The following ATP2B1 variants were observed in gnomAD, a reference collection of about 807,000 sequenced individuals.
The protein encoded by ATP2B1 is ATPase plasma membrane Ca2+ transporting 1, also known as plasma membrane calcium-transporting ATPase 1.
ATP2B1 carries 14 observed loss-of-function variants against 124.2 expected under a neutral mutation model. That is an observed-to-expected ratio of 0.11 (90% CI 0.07 to 0.18). ATP2B1 has a LOEUF of 0.18. Ranked by LOEUF, ATP2B1 falls within the 10% of genes least tolerant of loss-of-function variation. The pLI is 1.00. For missense variants in ATP2B1, 763 were observed against 1,466.1 expected (o/e 0.52, Z 7.83); for synonymous variants, 449 against 492.4 (o/e 0.91, Z 1.17).
chr12:89,623,387 G>A (rs1417663371), intron 9 of ATP2B1, among the ~76,000 whole-genome samples: 12 of 147,124 alleles, frequency 8.2e-5, no homozygotes, highest in South Asian at 6.4e-4. Context: ...CACCTTTTCC[G>A]TAAGATAGAA....
At chr12:89,643,453 A>G (rs1464084139) in intron 2 of ATP2B1, among the ~76,000 whole-genome samples, 3 of 152,120 alleles carry the variant, frequency 2.0e-5, no homozygotes, top group African/African-American at 7.2e-5. Context: ...ATATAACAGG[A>G]AACTTAGGAT....
intron 7 of ATP2B1, among the ~76,000 whole-genome samples, chr12:89,627,227 C>T (rs554836162): frequency 9.2e-5 from 14 of 152,004 alleles, no homozygotes; most frequent in African/African-American, 2.9e-4. Context: ...TCCTGTGATG[C>T]GGAATAGTCA....
chr12:89,627,618 C>A, intron 7 of ATP2B1, 60 bp downstream of exon 7: 5 of 1,548,438 alleles, frequency 3.2e-6, no homozygotes, highest in Non-Finnish European at 4.5e-6. Context: ...ATATGGTATA[C>A]AGTAGATTTT....
intron 2 of ATP2B1, among the ~76,000 whole-genome samples, chr12:89,646,049 G>A (rs1291109327): frequency 1.3e-5 from 2 of 152,130 alleles, no homozygotes; most frequent in South Asian, 2.1e-4. Flanking sequence ...ACGTACTTAA[G>A]GACTGGATGT....
chr12:89,596,907 T>A (rs1010232993), intron 20 of ATP2B1, among the ~76,000 whole-genome samples: 6 of 152,132 alleles, frequency 3.9e-5, no homozygotes, highest in African/African-American at 1.4e-4. Flanking sequence ...CCTCTTTTAG[T>A]ACCAGATTAT....
intron 2 of ATP2B1, among the ~76,000 whole-genome samples, chr12:89,653,443 C>A (rs917838647): frequency 2.0e-5 from 3 of 151,114 alleles, no homozygotes; most frequent in Admixed American, 2.0e-4. Flanking sequence ...ACTACAGGCG[C>A]CCGCCACCGC....
Position 89,616,971 on chromosome 12 carries a change from A to G in ATP2B1, c.1898T>C (p.Val633Ala), listed in dbSNP as rs1370165891. The G allele has an allele frequency of 6.2e-7, 1 of 1,614,128 alleles. No homozygotes were observed. Among genetic ancestry groups the G allele is most frequent in the Admixed American group, 1.7e-5 (1 of 59,998 alleles). ...TGCCATCGGTTCAATCACAGTTTTT[A>G]CAATATCATCACGGTCCCTTGGTCT... ...VFRPRDRDDI[V>A]KTVIEPMASE... Residue 633 changes from valine to alanine, a missense_variant, in exon 12 of 21, where the codon GTA becomes GCA. Physicochemically the swap from Val to Ala is moderately conservative, Grantham distance 64. Transcript: ENST00000428670.
intron 15 of ATP2B1, among the ~76,000 whole-genome samples, chr12:89,608,144 T>TAC (rs1043683769): frequency 3.3e-5 from 5 of 152,122 alleles, no homozygotes; most frequent in African/African-American, 9.7e-5. Flanking sequence ...ACCAAGCACT[T>TAC]ACAGTTTCTC....
At chr12:89,621,463 C>A (rs1344163764) in intron 10 of ATP2B1, 86 bp downstream of exon 10, 1 of 1,092,776 alleles carries the variant, frequency 9.2e-7, no homozygotes, top group African/African-American at 1.6e-5. Flanking sequence ...AGTTTACATA[C>A]AGTAATGGTG....
rs890492384 is a variant in ATP2B1 at position 89,588,125 on chromosome 12, G to C, written c.*2859C>G. On this transcript the variant is annotated 3_prime_UTR_variant, in exon 21 of 21. Coordinates refer to ENST00000428670, the MANE Select transcript of ATP2B1 (RefSeq NM_001366521.1). ...TTTACAAATAGACAAATAATAAAAG[G>C]CTCAGTGGCTAAAATAGATGGTAAG... 1 of 152,440 alleles carries C rather than the reference G, an allele frequency of 6.6e-6. No homozygotes were observed. Among genetic ancestry groups the C allele is most frequent in the African/African-American group, 2.4e-5 (1 of 41,398 alleles). 9.4% of individuals were successfully genotyped at this position (152,440 alleles called of 1,614,324 possible).
intron 5 of ATP2B1, among the ~76,000 whole-genome samples, chr12:89,631,136 A>C (rs2136164516): frequency 6.6e-6 from 1 of 152,256 alleles, no homozygotes; most frequent in East Asian, 1.9e-4. Flanking sequence ...TTTTAACTCT[A>C]ATCAGTCATA....
intron 2 of ATP2B1, among the ~76,000 whole-genome samples, chr12:89,651,081 G>A (rs1043705687): frequency 1.3e-5 from 2 of 152,190 alleles, no homozygotes; most frequent in African/African-American, 4.8e-5. Context: ...GAAATTTACA[G>A]TTCCAATTTC....
intron 14 of ATP2B1, 95 bp downstream of exon 14, chr12:89,610,326 T>C: frequency 9.6e-7 from 1 of 1,043,116 alleles, no homozygotes; most frequent in East Asian, 2.4e-5. Flanking sequence ...ATGATATCCA[T>C]GACTCAATCT....
In ATP2B1 at chr12:89,635,274, C is replaced by T. The variant is rs1374986463; in HGVS notation, c.407-23G>A. On this transcript the variant is annotated intron_variant, in intron 3 of 20. Coordinates refer to ENST00000428670, the MANE Select transcript of ATP2B1 (RefSeq NM_001366521.1). Reference sequence around the variant, plus strand: ...AAACTATTTGGAAAGAAAGAAAATGCTTATCAAAAAGATTCTGAATTGATG... The same window carrying T: ...AAACTATTTGGAAAGAAAGAAAATGTTTATCAAAAAGATTCTGAATTGATG... 9.4e-6 allele frequency: 15 copies of T among 1,599,802 alleles called. No individual in the cohort carries two copies. In the Admixed American group the frequency reaches 2.5e-4, roughly 27 times the overall value.
At chr12:89,626,410 C>T (rs373992887) in intron 8 of ATP2B1, 44 bp downstream of exon 8, 4 of 1,529,344 alleles carry the variant, frequency 2.6e-6, no homozygotes, top group Non-Finnish European at 3.5e-6. Flanking sequence ...AAGCAGAAAG[C>T]ATACTTAAAA....
upstream of ATP2B1, chr12:89,709,093 G>A (rs1451594570): frequency 2.0e-5 from 3 of 151,038 alleles, no homozygotes; most frequent in East Asian, 1.9e-4. Flanking sequence ...TCGGGGCGGG[G>A]CCCGCGGGCA....
intron 11 of ATP2B1, among the ~76,000 whole-genome samples, chr12:89,617,828 C>T (rs1879255157): frequency 1.3e-5 from 2 of 152,312 alleles, no homozygotes; most frequent in East Asian, 3.9e-4. Flanking sequence ...GAAGCTGCCT[C>T]TTCACTGCCC....
chr12:89,601,080 T>TA (rs1875739746), intron 19 of ATP2B1, among the ~76,000 whole-genome samples: 1 of 152,046 alleles, frequency 6.6e-6, no homozygotes, highest in Non-Finnish European at 1.5e-5. Context: ...ACAAAACTTC[T>TA]AAAAAACAAG....
intron 2 of ATP2B1, among the ~76,000 whole-genome samples, chr12:89,655,329 A>G (rs2136354811): frequency 6.6e-6 from 1 of 152,332 alleles, no homozygotes; most frequent in South Asian, 2.1e-4. Context: ...AAGGATAGTG[A>G]TCTGAGAGTT....
Sources: gnomAD v4.1 joint callset for allele counts (sites outside exome capture counted in the v4.1 genomes callset) on GRCh38, gnomAD v4.1.1 for gene constraint, MANE v1.5 for transcripts, NCBI Gene and HGNC (gene_info 2026-07-23, HGNC 2026-07-21) for gene names.